Variants in CNOT6L observed in about 807,000 individuals in gnomAD.
CNOT6L encodes the protein CCR4-NOT transcription complex subunit 6-like.
A neutral mutation model predicts 64.0 loss-of-function variants in CNOT6L; 7 were observed. That is an observed-to-expected ratio of 0.11 (90% confidence interval 0.06 to 0.21). The LOEUF is 0.21. Among genes scored for constraint, CNOT6L ranks in the 10% least tolerant of loss-of-function variants. CNOT6L has a pLI of 1.00. For missense variants in CNOT6L, 245 were observed against 669.0 expected, an observed-to-expected ratio of 0.37 and a Z score of 6.99; for synonymous variants, 193 against 243.4, an observed-to-expected ratio of 0.79 and a Z score of 1.93.
At chr4:77,721,774 C>T (rs948177410) in intron 11 of CNOT6L, among the ~76,000 whole-genome samples, 1 of 151,970 alleles carries the variant, frequency 6.6e-6, no homozygotes, top group Non-Finnish European at 1.5e-5. Context: ...AGTTCAAGAC[C>T]AGCCTGGTAA....
At chr4:77,763,836 T>TA (rs1395333027) in intron 4 of CNOT6L, among the ~76,000 whole-genome samples, 1 of 152,184 alleles carries the variant, frequency 6.6e-6, no homozygotes, top group East Asian at 1.9e-4. Context: ...AAAATAAATT[T>TA]AAAATCACAT....
chr4:77,813,868 G>A (rs907953546), intron 1 of CNOT6L, among the ~76,000 whole-genome samples: 4 of 152,150 alleles, frequency 2.6e-5, no homozygotes, highest in Non-Finnish European at 5.9e-5. Context: ...ACACAAAGTG[G>A]TATATGTTCC....
In CNOT6L at chr4:77,717,728, T is replaced by C. The variant is rs1720896101; in HGVS notation, c.*2703A>G. 6.6e-6 allele frequency: 1 copy of C among 152,502 alleles called. No individual in the cohort carries two copies. Among genetic ancestry groups the C allele is most frequent in the Non-Finnish European group, 1.5e-5 (1 of 68,018 alleles). The allele number at this position is 152,502 out of a possible 1,614,324, so 9.4% of individuals were successfully genotyped here. On this transcript the variant is annotated 3_prime_UTR_variant, in exon 12 of 12. Transcript: ENST00000504123. ...ATCTGAATTGGCAGCTCAAAACAGA[T>C]ACCACTCCTTTTACAAAGGGAACAA...
At chr4:77,819,847 G>C (rs1237318026), upstream of CNOT6L, among the ~76,000 whole-genome samples, 5 of 151,578 alleles carry the variant, frequency 3.3e-5, no homozygotes, top group African/African-American at 1.2e-4. Flanking sequence ...GAGACAGACC[G>C]GGGGTCGGGA....
At chr4:77,731,968 GCACA>G in intron 8 of CNOT6L, 1 of 154,644 alleles carries the variant, frequency 6.5e-6, no homozygotes. Context: ...ATTTAAAGGT[GCACA>G]CAATCTCAAC....
At chr4:77,793,418 T>C (rs2110115796) in intron 1 of CNOT6L, among the ~76,000 whole-genome samples, 1 of 152,238 alleles carries the variant, frequency 6.6e-6, no homozygotes, top group South Asian at 2.1e-4. Flanking sequence ...AACTTTTAAG[T>C]TGGAGGTGCT....
At chr4:77,819,967 C>T (rs1360583128), upstream of CNOT6L, among the ~76,000 whole-genome samples, 4 of 152,054 alleles carry the variant, frequency 2.6e-5, no homozygotes, top group East Asian at 7.8e-4. Flanking sequence ...AAGGAAGCTG[C>T]GCCCCCGCAG....
At chr4:77,737,403 G>GTTTTTTTTTTTT (rs1723076948) in intron 8 of CNOT6L, among the ~76,000 whole-genome samples, 2 of 116,048 alleles carry the variant, frequency 1.7e-5, no homozygotes, top group African/African-American at 6.7e-5. Flanking sequence ...TATTTGTACC[G>GTTTTTTTTTTTT]TTCTTTTTTT....
At chr4:77,795,323 A>C (rs1253576305) in intron 1 of CNOT6L, among the ~76,000 whole-genome samples, 1 of 152,108 alleles carries the variant, frequency 6.6e-6, no homozygotes, top group African/African-American at 2.4e-5. Flanking sequence ...CCGGCCAGTA[A>C]AATTTTTTAA....
intron 5 of CNOT6L, among the ~76,000 whole-genome samples, chr4:77,755,302 G>A (rs1301440357): frequency 2.1e-5 from 3 of 139,644 alleles, no homozygotes; most frequent in Admixed American, 7.8e-5. Flanking sequence ...GTGCAGTGGC[G>A]CAATCTCGGG....
At chr4:77,784,652 T>C (rs1729242813) in intron 1 of CNOT6L, among the ~76,000 whole-genome samples, 1 of 152,054 alleles carries the variant, frequency 6.6e-6, no homozygotes, top group Non-Finnish European at 1.5e-5. Flanking sequence ...ATCCAGCTAA[T>C]CTTTGTATTT....
At chr4:77,773,026 C>T (rs1030851833) in intron 4 of CNOT6L, 55 bp downstream of exon 4, 71 of 1,164,148 alleles carry the variant, frequency 6.1e-5, no homozygotes, top group Non-Finnish European at 8.6e-5. Context: ...TTTTAAAGGC[C>T]AAAATGCTCT....
intron 11 of CNOT6L, among the ~76,000 whole-genome samples, chr4:77,723,866 T>C (rs1560571225): frequency 6.6e-6 from 1 of 152,192 alleles, no homozygotes; most frequent in South Asian, 2.1e-4. Context: ...GGACTGTCAG[T>C]AAATAATTTT....
At chr4:77,761,264 C>T (rs1726193775) in intron 4 of CNOT6L, among the ~76,000 whole-genome samples, 1 of 151,944 alleles carries the variant, frequency 6.6e-6, no homozygotes, top group African/African-American at 2.4e-5. Flanking sequence ...TTTGAGAACA[C>T]TGAGAATTAA....
At chr4:77,722,117 G>T (rs1399881432) in intron 11 of CNOT6L, among the ~76,000 whole-genome samples, 1 of 152,100 alleles carries the variant, frequency 6.6e-6, no homozygotes, top group African/African-American at 2.4e-5. Context: ...CTTCATTTTG[G>T]TTATAATGCC....
rs1720855113 is a variant in CNOT6L, at chr4:77,717,391, T to C, written c.*3040A>G. 1 of 152,512 alleles carries C rather than the reference T, an allele frequency of 6.6e-6. No individual in the cohort carries two copies. The highest frequency in any genetic ancestry group is 1.5e-5 in the Non-Finnish European group (1 of 68,000). 9.4% of individuals were successfully genotyped at this position (152,512 alleles called of 1,614,324 possible). On this transcript the variant is annotated 3_prime_UTR_variant, in exon 12 of 12. Transcript: ENST00000504123. ...TTCTCTTCCTCAAACAATACTGTTT[T>C]AGTAAATTTTAAGAACATTCCGGTT... is the stretch of plus-strand genomic sequence containing the variant.
rs1426443571 is a variant in CNOT6L, at chr4:77,717,862, C to A, written c.*2569G>T. Reference sequence around the variant, plus strand: ...TACCACCCAAAACATAACACAATTACCTACTTCAACAGAGCTACTACCAAC... The same window carrying A: ...TACCACCCAAAACATAACACAATTAACTACTTCAACAGAGCTACTACCAAC... On this transcript the variant is annotated 3_prime_UTR_variant, in exon 12 of 12. Transcript: ENST00000504123. 6.6e-6 allele frequency: 1 copy of A among 152,428 alleles called. No homozygotes were observed. Among genetic ancestry groups the A allele is most frequent in the African/African-American group, 2.4e-5 (1 of 41,416 alleles). 9.4% of individuals were successfully genotyped at this position (152,428 alleles called of 1,614,324 possible). A position where few individuals can be genotyped will look rare whatever the true frequency, so the allele number is the denominator to read the frequency against.
intron 8 of CNOT6L, among the ~76,000 whole-genome samples, chr4:77,738,762 A>AAAAG (rs1560580242): frequency 6.6e-6 from 1 of 151,888 alleles, no homozygotes; most frequent in East Asian, 1.9e-4. Flanking sequence ...TCAAAAAAAA[A>AAAAG]AAAAAAAAAT....
intron 1 of CNOT6L, among the ~76,000 whole-genome samples, chr4:77,791,773 CATA>C (rs776833058): frequency 2.0e-5 from 3 of 151,902 alleles, no homozygotes; most frequent in Non-Finnish European, 4.4e-5. Context: ...CTCACATACC[CATA>C]ATATTTTAAA....
Sources: allele counts gnomAD v4.1 joint callset (sites outside exome capture counted in the v4.1 genomes callset), GRCh38; gene constraint gnomAD v4.1.1; transcripts MANE v1.5; gene names NCBI Gene and HGNC (gene_info 2026-07-23, HGNC 2026-07-21).